Variants in CDH18 observed in about 807,000 individuals in gnomAD.
The protein encoded by CDH18 is cadherin 18, also known as cadherin-18.
In CDH18, 31 loss-of-function variants were observed where a neutral mutation model predicts 67.9. The observed-to-expected ratio is 0.46, with a 90% CI of 0.34 to 0.62. The LOEUF is 0.62. Ranked by LOEUF, CDH18 falls within the 20% of genes least tolerant of loss-of-function variation. The pLI, the probability that CDH18 is intolerant of heterozygous loss-of-function variation, is 0.01. For synonymous variants in CDH18, 362 were observed against 347.2 expected (o/e 1.04, Z -0.48); for missense variants, 890 against 975.5 (o/e 0.91, Z 1.17).
chr5:20,392,820 C>A (rs1744980622), intron 1 of CDH18, among the ~76,000 whole-genome samples: 1 of 151,772 alleles, frequency 6.6e-6, no homozygotes, highest in Non-Finnish European at 1.5e-5. Flanking sequence ...AGTGAACATA[C>A]CTTATTTTGG....
chr5:20,189,897 C>A (rs1738405062), intron 2 of CDH18, among the ~76,000 whole-genome samples: 1 of 152,090 alleles, frequency 6.6e-6, no homozygotes, highest in South Asian at 2.1e-4. Context: ...GTGGCCTGTG[C>A]AGATCTAATT....
chr5:20,004,473 C>T (rs1736726164), intron 2 of CDH18, among the ~76,000 whole-genome samples: 1 of 152,166 alleles, frequency 6.6e-6, no homozygotes, highest in Non-Finnish European at 1.5e-5. Flanking sequence ...GAACACTTCA[C>T]CCAATTGCAT....
intron 1 of CDH18, among the ~76,000 whole-genome samples, chr5:20,257,925 T>A (rs1347416238): frequency 6.6e-6 from 1 of 152,152 alleles, no homozygotes; most frequent in Non-Finnish European, 1.5e-5. Context: ...CACTCTTAAC[T>A]GGAGAAGGAA....
intron 5 of CDH18, among the ~76,000 whole-genome samples, chr5:19,624,298 C>T (rs564426219): frequency 2.2e-3 from 339 of 152,152 alleles, no homozygotes; most frequent in African/African-American, 7.9e-3. Flanking sequence ...TGAGCCACCA[C>T]CCTGGCTGCC....
intron 12 of CDH18, among the ~76,000 whole-genome samples, chr5:19,477,565 T>C (rs780331297): frequency 2.6e-5 from 4 of 152,106 alleles, no homozygotes; most frequent in Non-Finnish European, 4.4e-5. Context: ...TATTTCTTAA[T>C]GTTTGAAAAA....
chr5:19,765,047 T>A (rs1031895884), intron 3 of CDH18, among the ~76,000 whole-genome samples: 1 of 152,218 alleles, frequency 6.6e-6, no homozygotes, highest in African/African-American at 2.4e-5. Context: ...TCCCTGACCA[T>A]CTCTCATGTC....
At chr5:20,537,606 T>C (rs142294047) in intron 1 of CDH18, among the ~76,000 whole-genome samples, 214 of 152,232 alleles carry the variant, frequency 1.4e-3, no homozygotes, top group African/African-American at 5.0e-3. Context: ...GCTAAGCTCT[T>C]AGGGTTGAAA....
At chr5:19,673,566 TTTC>T (rs1759057528) in intron 5 of CDH18, among the ~76,000 whole-genome samples, 1 of 152,070 alleles carries the variant, frequency 6.6e-6, no homozygotes, top group African/African-American at 2.4e-5. Context: ...TTAGTGGTTG[TTTC>T]TTTAGACATT....
chr5:20,114,099 C>T (rs542056796), intron 2 of CDH18, among the ~76,000 whole-genome samples: 65 of 152,234 alleles, frequency 4.3e-4, no homozygotes, highest in African/African-American at 1.2e-3. Flanking sequence ...ATAAGCGGGA[C>T]GCTCCTCACT....
chr5:20,370,951 C>T (rs1253432815), intron 1 of CDH18, among the ~76,000 whole-genome samples: 4 of 151,538 alleles, frequency 2.6e-5, no homozygotes, highest in Non-Finnish European at 4.4e-5. Flanking sequence ...GCAGGATAAT[C>T]GTTTGAACCT....
At chr5:20,315,443 G>T (rs749547225) in intron 1 of CDH18, among the ~76,000 whole-genome samples, 4 of 151,972 alleles carry the variant, frequency 2.6e-5, no homozygotes, top group Non-Finnish European at 2.9e-5. Context: ...CTCTTGCTTT[G>T]TGCTTAGTAT....
At chr5:19,851,879 C>T (rs879305519) in intron 2 of CDH18, among the ~76,000 whole-genome samples, 1 of 148,516 alleles carries the variant, frequency 6.7e-6, no homozygotes, top group Non-Finnish European at 1.5e-5. Context: ...GAAAGCCAGC[C>T]TTTTAGTTCA....
At chr5:20,382,134 A>G (rs1332469041) in intron 1 of CDH18, among the ~76,000 whole-genome samples, 1 of 152,180 alleles carries the variant, frequency 6.6e-6, no homozygotes, top group Non-Finnish European at 1.5e-5. Flanking sequence ...GAGGTTAACC[A>G]AGTCATTAGC....
intron 2 of CDH18, among the ~76,000 whole-genome samples, chr5:19,849,270 A>C (rs1783371214): frequency 6.6e-6 from 1 of 151,972 alleles, no homozygotes; most frequent in Non-Finnish European, 1.5e-5. Flanking sequence ...ATGGAGTAAC[A>C]AGATCATGTT....
chr5:19,544,255 A>T (rs1192588328), intron 8 of CDH18, among the ~76,000 whole-genome samples: 2 of 152,122 alleles, frequency 1.3e-5, no homozygotes, highest in Non-Finnish European at 2.9e-5. Context: ...CATGAATAAA[A>T]GTAGATAGCA....
chr5:20,404,127 C>T (rs1352554487), intron 1 of CDH18, among the ~76,000 whole-genome samples: 3 of 152,204 alleles, frequency 2.0e-5, no homozygotes, highest in African/African-American at 7.2e-5. Context: ...CTCTCTCAGT[C>T]TTCATAGAGT....
chr5:20,099,949 C>T (rs1746314995), intron 2 of CDH18, among the ~76,000 whole-genome samples: 1 of 151,892 alleles, frequency 6.6e-6, no homozygotes, highest in South Asian at 2.1e-4. Context: ...ACGCCCAGCT[C>T]ATTCTTTTGT....
At chr5:20,081,002 A>AT (rs919942435) in intron 2 of CDH18, among the ~76,000 whole-genome samples, 2 of 152,122 alleles carry the variant, frequency 1.3e-5, no homozygotes, top group African/African-American at 4.8e-5. Context: ...CTAGAATAAG[A>AT]TTTTTAAAAA....
intron 2 of CDH18, among the ~76,000 whole-genome samples, chr5:19,946,463 T>A (rs1239964147): frequency 6.6e-6 from 1 of 152,068 alleles, no homozygotes; most frequent in Non-Finnish European, 1.5e-5. Context: ...TCCTTATGAG[T>A]TTTTTAGACC....
Sources: gnomAD v4.1 joint callset for allele counts (sites outside exome capture counted in the v4.1 genomes callset) on GRCh38, gnomAD v4.1.1 for gene constraint, MANE v1.5 for transcripts, NCBI Gene and HGNC (gene_info 2026-07-23, HGNC 2026-07-21) for gene names.